The following CHKA variants were observed in gnomAD, a reference collection of about 807,000 sequenced individuals.
CHKA encodes the protein CHETK-alpha.
Under a neutral mutation model 60.1 loss-of-function variants are expected in CHKA, and 34 were observed. The ratio of observed to expected loss-of-function variants is 0.57; its 90% confidence interval spans 0.43 to 0.75. The LOEUF (loss-of-function observed/expected upper bound fraction) is 0.75. Ranked by LOEUF, CHKA falls within the 30% of genes least tolerant of loss-of-function variation. The pLI is 0.00. For synonymous variants in CHKA, 217 were observed against 223.1 expected (o/e 0.97, Z 0.24); for missense variants, 563 against 561.3 (o/e 1.00, Z -0.03).
intron 2 of CHKA, among the ~76,000 whole-genome samples, 194 bp downstream of exon 2, chr11:68,096,822 TAAC>T (rs915021359): frequency 6.6e-6 from 1 of 152,098 alleles, no homozygotes; most frequent in Non-Finnish European, 1.5e-5. Flanking sequence ...TAATAAATAA[TAAC>T]TAAAAAAAAC....
intron 2 of CHKA, among the ~76,000 whole-genome samples, chr11:68,095,919 A>C (rs1857499496): frequency 6.7e-6 from 1 of 150,054 alleles, no homozygotes. Context: ...GCACACCCAT[A>C]ATCCCAGCTA....
At chr11:68,103,247 C>T (rs1044658472) in intron 1 of CHKA, among the ~76,000 whole-genome samples, 1 of 151,850 alleles carries the variant, frequency 6.6e-6, no homozygotes, top group East Asian at 1.9e-4. Context: ...CCCAACTACT[C>T]GGGAGGTTGA....
intron 9 of CHKA, among the ~76,000 whole-genome samples, 156 bp downstream of exon 9, chr11:68,065,626 AGAAG>A (rs1856416750): frequency 6.6e-6 from 1 of 152,178 alleles, no homozygotes; most frequent in South Asian, 2.1e-4. Context: ...ACCTGAGCAC[AGAAG>A]GTCAAGGGTA....
chr11:68,111,772 T>C (rs535729045), intron 1 of CHKA, among the ~76,000 whole-genome samples: 9 of 151,484 alleles, frequency 5.9e-5, no homozygotes, highest in African/African-American at 1.2e-4. Context: ...TCCTGGAACA[T>C]GCCCGGAGCG....
intron 2 of CHKA, among the ~76,000 whole-genome samples, 189 bp downstream of exon 2, chr11:68,096,830 A>G (rs1857529706): frequency 1.3e-5 from 2 of 152,226 alleles, no homozygotes. Context: ...AATAACTAAA[A>G]AAAACACGAA....
intron 2 of CHKA, chr11:68,082,031 C>T (rs949227908): frequency 6.6e-6 from 1 of 152,242 alleles, no homozygotes; most frequent in Non-Finnish European, 1.5e-5. Flanking sequence ...TCAAGCTGAA[C>T]TGTTCCTCTA....
At chr11:68,066,022 G>T (rs932381042) in intron 8 of CHKA, 128 bp from the exon 9 acceptor site, 4 of 621,150 alleles carry the variant, frequency 6.4e-6, no homozygotes, top group Non-Finnish European at 1.1e-5. Context: ...CTTGCTGAGG[G>T]AGCAGGACTG....
chr11:68,068,421 A>ATT (rs1191066672), intron 7 of CHKA, among the ~76,000 whole-genome samples: 2 of 142,848 alleles, frequency 1.4e-5, no homozygotes. Context: ...CTTCCATGTA[A>ATT]TTTTTTTTTT....
intron 8 of CHKA, among the ~76,000 whole-genome samples, chr11:68,066,199 G>A (rs1287776639): frequency 6.6e-6 from 1 of 152,314 alleles, no homozygotes; most frequent in East Asian, 1.9e-4. Flanking sequence ...CCAAAGTCTG[G>A]ACTGAATGGC....
chr11:68,083,709 T>C (rs1857062371), intron 2 of CHKA, among the ~76,000 whole-genome samples: 1 of 152,022 alleles, frequency 6.6e-6, no homozygotes. Flanking sequence ...CATGATAATC[T>C]CCCCTGCCCA....
At chr11:68,099,844 G>A (rs1857644898) in intron 1 of CHKA, among the ~76,000 whole-genome samples, 1 of 152,204 alleles carries the variant, frequency 6.6e-6, no homozygotes, top group African/African-American at 2.4e-5. Context: ...TGTGTAACCT[G>A]ATTCAAAGTT....
chr11:68,060,671 T>C (rs1022095481), intron 11 of CHKA, among the ~76,000 whole-genome samples: 1 of 152,220 alleles, frequency 6.6e-6, no homozygotes, highest in African/African-American at 2.4e-5. Context: ...TCAGTTTTAA[T>C]ATCATGTCTT....
intron 2 of CHKA, chr11:68,082,227 G>A: frequency 6.6e-6 from 1 of 151,146 alleles, no homozygotes; most frequent in African/African-American, 2.4e-5. Context: ...TCTTTCTCAT[G>A]GTACAGATCA....
chr11:68,104,976 T>G (rs949898411), intron 1 of CHKA, among the ~76,000 whole-genome samples: 1 of 151,350 alleles, frequency 6.6e-6, no homozygotes, highest in South Asian at 2.1e-4. Flanking sequence ...TGGTGGCACA[T>G]GTCTGTAATC....
chr11:68,053,770 T>C lies in CHKA; in HGVS notation c.*218A>G, dbSNP rs1253503866. ...TTGCACTATTGCACTATATTTCTGC[T>C]TCCCGATCTCGTTTCTGAGTCCTAG... On this transcript the variant is annotated 3_prime_UTR_variant, in exon 12 of 12. Transcript: ENST00000265689. 4 of 506,134 alleles carry C rather than the reference T, an allele frequency of 7.9e-6. No individual in the cohort carries two copies. The Admixed American group carries it at 1.1e-4, about 14-fold the overall frequency. 31.4% of individuals were successfully genotyped at this position (506,134 alleles called of 1,614,324 possible). A position where few individuals can be genotyped will look rare whatever the true frequency, so the allele number is the denominator to read the frequency against.
chr11:68,100,937 C>CTTTTTTTTT (rs758101816), intron 1 of CHKA, among the ~76,000 whole-genome samples: 2 of 78,212 alleles, frequency 2.6e-5, no homozygotes, highest in Non-Finnish European at 4.9e-5. Flanking sequence ...TAAAGAGGTT[C>CTTTTTTTTT]TTTTTTTTTT....
At chr11:68,099,676 C>T (rs1305540641) in intron 1 of CHKA, among the ~76,000 whole-genome samples, 3 of 152,140 alleles carry the variant, frequency 2.0e-5, no homozygotes, top group African/African-American at 7.2e-5. Flanking sequence ...TATCAGAATC[C>T]CCCTGCCGCG....
chr11:68,054,211 C>T (rs967471949), intron 11 of CHKA, among the ~76,000 whole-genome samples, 164 bp from the exon 12 acceptor site: 2 of 152,198 alleles, frequency 1.3e-5, no homozygotes, highest in Non-Finnish European at 2.9e-5. Context: ...GGCCTCGCTG[C>T]TCTACAGGTG....
Position 68,121,071 on chromosome 11 carries a change from T to A in CHKA, c.107A>T (p.Gln36Leu), listed in dbSNP as rs1858628642. 4.5e-6 allele frequency: 5 copies of A among 1,112,330 alleles called. No individual in the cohort carries two copies. The South Asian group carries it at 2.0e-4, about 46-fold the overall frequency. The allele number at this position is 1,112,330 out of a possible 1,614,324, so 68.9% of individuals were successfully genotyped here. A position where few individuals can be genotyped will look rare whatever the true frequency, so the allele number is the denominator to read the frequency against. ...CTCGAGGTCGCTGGCGGCGTCGCGC[T>A]GCTGCCCCACGCCGGGCGCCGGGGC... ...SAAPAPGVGQ[Q>L]RDAASDLESK... Residue 36 changes from glutamine (Q) to leucine (L), a missense_variant, in exon 1 of 12, where the codon CAG becomes CTG. By Grantham distance (113) the Gln-to-Leu change is moderately radical. Coordinates refer to ENST00000265689, the MANE Select transcript of CHKA (RefSeq NM_001277.3).
Sources: gnomAD v4.1 joint callset for allele counts (sites outside exome capture counted in the v4.1 genomes callset) on GRCh38, gnomAD v4.1.1 for gene constraint, MANE v1.5 for transcripts, NCBI Gene and HGNC (gene_info 2026-07-23, HGNC 2026-07-21) for gene names.